NEK1: variants seen among roughly 807,000 people sequenced by gnomAD.
NEK1 encodes serine/threonine-protein kinase Nek1.
A neutral mutation model predicts 182.1 loss-of-function variants in NEK1; 137 were observed. The ratio of observed to expected loss-of-function variants is 0.75; its 90% confidence interval spans 0.65 to 0.87. NEK1 has a LOEUF of 0.87. Ranked by LOEUF, NEK1 falls within the 40% of genes least tolerant of loss-of-function variation. The probability of loss-of-function intolerance (pLI) is 0.00; values close to 1 mark genes in which losing one functional copy is unlikely to be tolerated. For missense variants in NEK1, 1,391 were observed against 1,494.4 expected (o/e 0.93, Z 1.14); for synonymous variants, 513 against 492.2 (o/e 1.04, Z -0.56).
At chr4:169,465,912 A>G (rs933117566) in intron 26 of NEK1, among the ~76,000 whole-genome samples, 1 of 152,288 alleles carries the variant, frequency 6.6e-6, no homozygotes, top group Admixed American at 6.5e-5. Context: ...ACAAAAATAC[A>G]TAGCACAAAT....
chr4:169,497,472 C>T lies in NEK1; in HGVS notation c.2007+9565G>A, dbSNP rs1251159522. ...CTTTTGAATGTGTTTGCTCTTGCTCCTCTAGTTCTTTTAATTGTGATGTTA... is the reference window on the plus strand; with the variant it reads ...CTTTTGAATGTGTTTGCTCTTGCTCTTCTAGTTCTTTTAATTGTGATGTTA... On this transcript the variant is annotated intron_variant, in intron 23 of 35. Transcript: ENST00000507142. 3.3e-5 allele frequency among the ~76,000 whole-genome samples: 5 copies of T among 152,112 alleles called. No homozygotes were observed. In the South Asian group the frequency reaches 6.2e-4, roughly 19 times the overall value.
intron 12 of NEK1, among the ~76,000 whole-genome samples, chr4:169,570,141 G>A (rs1339506772): frequency 1.5e-4 from 23 of 150,534 alleles, no homozygotes; most frequent in East Asian, 7.9e-4. Flanking sequence ...CCTCTGCCCC[G>A]CCGCCCCGTC....
At chr4:169,414,656 GAATT>G (rs1175382917) in intron 31 of NEK1, among the ~76,000 whole-genome samples, 6 of 152,292 alleles carry the variant, frequency 3.9e-5, no homozygotes, top group African/African-American at 1.4e-4. Context: ...ACCAGCAGCA[GAATT>G]ACTTACGGTG....
At chr4:169,450,848 A>C (rs1019746291) in intron 27 of NEK1, among the ~76,000 whole-genome samples, 1 of 152,210 alleles carries the variant, frequency 6.6e-6, no homozygotes, top group Non-Finnish European at 1.5e-5. Context: ...CCCCAATTAA[A>C]AGACACAGAC....
chr4:169,523,296 C>A (rs1450390431), intron 19 of NEK1, among the ~76,000 whole-genome samples: 4 of 152,110 alleles, frequency 2.6e-5, no homozygotes, highest in Non-Finnish European at 4.4e-5. Flanking sequence ...AACCCTAGTA[C>A]CTCAGAATTA....
intron 35 of NEK1, among the ~76,000 whole-genome samples, chr4:169,399,553 G>A (rs963945684): frequency 6.7e-6 from 1 of 148,164 alleles, no homozygotes; most frequent in African/African-American, 2.5e-5. Flanking sequence ...CTCCAGCCTG[G>A]GCAATAAGAC....
intron 10 of NEK1, among the ~76,000 whole-genome samples, chr4:169,585,026 A>T (rs543588838): frequency 2.0e-5 from 3 of 151,968 alleles, no homozygotes; most frequent in East Asian, 3.9e-4. Flanking sequence ...TCTAAAAAAA[A>T]TTTTTTTTTA....
chr4:169,556,032 C>A lies in NEK1; in HGVS notation c.1330G>T (p.Glu444Ter). Reference protein sequence around the residue: ...PSSFSSRGQYEHYHAIFDQMQ... With the variant: ...PSSFSSRGQY ...TGGTCAAAAATGGCATGGTAATGTT[C>A]ATACTGTCCTCGAGAAGAAAAAGAT... The change falls in exon 17 of 36, where the codon GAA (glutamate) becomes TAA (stop). Residue 444 changes from glutamate to a stop codon, truncating the protein, a stop_gained. Transcript: ENST00000507142. LOFTEE classifies it high-confidence loss of function. The A allele has an allele frequency of 6.2e-7, 1 of 1,613,662 alleles. No homozygotes were observed. Among genetic ancestry groups the A allele is most frequent in the Non-Finnish European group, 8.5e-7 (1 of 1,179,778 alleles).
At chr4:169,395,218 T>C (rs1730483454) in intron 35 of NEK1, among the ~76,000 whole-genome samples, 1 of 152,188 alleles carries the variant, frequency 6.6e-6, no homozygotes, top group Non-Finnish European at 1.5e-5. Context: ...TTCATTAAAA[T>C]CCAAGGGTCA....
chr4:169,585,667 A>G lies in NEK1; in HGVS notation c.607-118T>C, dbSNP rs997075064. 5.1e-6 allele frequency: 3 copies of G among 593,886 alleles called. No individual in the cohort carries two copies. The African/African-American group carries it at 5.6e-5, about 11-fold the overall frequency. The allele number at this position is 593,886 out of a possible 1,614,324, so 36.8% of individuals were successfully genotyped here. A position where few individuals can be genotyped will look rare whatever the true frequency, so the allele number is the denominator to read the frequency against. On this transcript the variant is annotated intron_variant, in intron 9 of 35. Transcript: ENST00000507142. ...TAGAATAGAAACACAATCCTCTTCC[A>G]AATAATTAGAATATGTTTTCTAGAG...
chr4:169,513,605 A>G (rs1052365591), intron 19 of NEK1, among the ~76,000 whole-genome samples: 13 of 152,202 alleles, frequency 8.5e-5, no homozygotes, highest in Admixed American at 8.5e-4. Flanking sequence ...TACAATGTCA[A>G]ATATGAGTGG....
At chr4:169,500,268 G>A (rs11943465) in intron 23 of NEK1, among the ~76,000 whole-genome samples, 14,734 of 152,226 alleles carry the variant, frequency 0.097, 788 homozygotes, top group East Asian at 0.17. Context: ...ATTAGGGTGG[G>A]AGTGACCCGA....
At chr4:169,508,876 G>GT (rs1015245023) in intron 19 of NEK1, 24 bp from the exon 20 acceptor site, 23 of 1,542,310 alleles carry the variant, frequency 1.5e-5, no homozygotes, top group Non-Finnish European at 1.8e-5. Context: ...AATGTACTAA[G>GT]TTTAAAGAAT....
At chr4:169,594,370 A>G (rs1769080970) in intron 5 of NEK1, among the ~76,000 whole-genome samples, 1 of 152,194 alleles carries the variant, frequency 6.6e-6, no homozygotes, top group Non-Finnish European at 1.5e-5. Flanking sequence ...TTATTGCCAA[A>G]CATTATACTA....
chr4:169,466,166 C>A (rs968985697), intron 26 of NEK1, among the ~76,000 whole-genome samples: 2 of 152,000 alleles, frequency 1.3e-5, no homozygotes, highest in Admixed American at 6.6e-5. Flanking sequence ...AAGATCCACA[C>A]TGAACTTGTC....
intron 23 of NEK1, among the ~76,000 whole-genome samples, chr4:169,493,447 T>C (rs1218510772): frequency 6.6e-6 from 1 of 152,184 alleles, no homozygotes; most frequent in Non-Finnish European, 1.5e-5. Context: ...CTAAGCAGAC[T>C]GAAATATCTA....
intron 29 of NEK1, among the ~76,000 whole-genome samples, chr4:169,430,801 A>G (rs1047596363): frequency 2.6e-5 from 4 of 152,178 alleles, no homozygotes; most frequent in Non-Finnish European, 5.9e-5. Flanking sequence ...AATGAAATAC[A>G]TTAATGCAAG....
At chr4:169,563,343 C>A (rs147119847) in intron 12 of NEK1, among the ~76,000 whole-genome samples, 1 of 150,984 alleles carries the variant, frequency 6.6e-6, no homozygotes, top group African/African-American at 2.4e-5. Flanking sequence ...CCTGACAGAG[C>A]GAGATCCTGT....
At chr4:169,489,896 A>G (rs1749748312) in intron 23 of NEK1, among the ~76,000 whole-genome samples, 1 of 152,018 alleles carries the variant, frequency 6.6e-6, no homozygotes, top group African/African-American at 2.4e-5. Context: ...AGCTTCATCT[A>G]CCCATACCTC....
Sources: allele counts gnomAD v4.1 joint callset (sites outside exome capture counted in the v4.1 genomes callset), GRCh38; gene constraint gnomAD v4.1.1; transcripts MANE v1.5; gene names NCBI Gene and HGNC (gene_info 2026-07-23, HGNC 2026-07-21).